The following INO80C variants were observed in gnomAD, a reference collection of about 807,000 sequenced individuals.
INO80C encodes IES6 homolog.
A neutral mutation model predicts 17.7 loss-of-function variants in INO80C; 17 were observed. The observed-to-expected ratio is 0.96, with a 90% CI of 0.66 to 1.44. INO80C has a LOEUF of 1.44. Among genes scored for constraint, INO80C ranks in the 40% most tolerant of loss-of-function variants. INO80C has a pLI of 0.00. For missense variants in INO80C, 244 were observed against 245.0 expected, an observed-to-expected ratio of 1.00 and a Z score of 0.03; for synonymous variants, 96 against 95.8, an observed-to-expected ratio of 1.00 and a Z score of -0.01.
At chr18:35,495,354 C>T (rs2045970696) in intron 1 of INO80C, among the ~76,000 whole-genome samples, 1 of 152,172 alleles carries the variant, frequency 6.6e-6, no homozygotes, top group Non-Finnish European at 1.5e-5. Flanking sequence ...GTCGAGGCTG[C>T]AGTGAGCCAT....
chr18:35,492,243 C>G (rs2045939953), intron 1 of INO80C, among the ~76,000 whole-genome samples: 1 of 152,170 alleles, frequency 6.6e-6, no homozygotes, highest in Non-Finnish European at 1.5e-5. Context: ...TTACTTAAAA[C>G]AGCAAAAATT....
chr18:35,468,769 G>A (rs372146442), intron 4 of INO80C, 27 bp from the exon 5 acceptor site: 4 of 1,604,838 alleles, frequency 2.5e-6, no homozygotes, highest in Admixed American at 3.4e-5. Flanking sequence ...ACAGGGAAGG[G>A]CAGAAAGTTT....
rs777141473 is a variant in INO80C at position 35,497,732 on chromosome 18, G to C, written c.143C>G (p.Ser48Cys). The change falls in exon 1 of 5, where the codon TCC becomes TGC. Residue 48 changes from serine to cysteine, a missense_variant. Ser to Cys is a moderately radical substitution (Grantham distance 112). Transcript: ENST00000334598. ...GCGACTGCGTACCTGCGCAAAGCTG[G>C]AAGCGGACGCTTTTTTCTTCTTACT... ...GASKKKKASA[S>C]SFAQGISMEA... is the part of the protein sequence containing the mutation. The C allele has an allele frequency of 3.1e-6, 5 of 1,612,264 alleles. No individual in the cohort carries two copies. Among genetic ancestry groups the C allele is most frequent in the Non-Finnish European group, 4.2e-6 (5 of 1,179,442 alleles).
Position 35,468,518 on chromosome 18 carries a change from T to G in INO80C, c.*93A>C. ...AGGCACAGCACTGGCATTTTCAGAT[T>G]GACAGCAGAACGAGTTTGTTTCCGT... On this transcript the variant is annotated 3_prime_UTR_variant, in exon 5 of 5. Transcript: ENST00000334598. 6.3e-7 allele frequency: 1 copy of G among 1,584,890 alleles called. No individual in the cohort carries two copies. Among genetic ancestry groups the G allele is most frequent in the Non-Finnish European group, 8.6e-7 (1 of 1,163,756 alleles).
intron 1 of INO80C, among the ~76,000 whole-genome samples, chr18:35,494,256 T>C (rs355331): frequency 0.75 from 113,667 of 152,092 alleles, 42,659 homozygotes; most frequent in East Asian, 0.98. Flanking sequence ...ACACCCCTGC[T>C]ACCTTGCAAG....
In INO80C at chr18:35,497,764, A is replaced by ATG; in HGVS notation, c.110_111insCA (p.Gly38MetfsTer23). 1 of 1,612,358 alleles carries ATG rather than the reference A, an allele frequency of 6.2e-7. No homozygotes were observed. Among genetic ancestry groups the ATG allele is most frequent in the South Asian group, 1.1e-5 (1 of 90,992 alleles). On this transcript the variant is annotated frameshift_variant, in exon 1 of 5. Coordinates refer to ENST00000334598, the MANE Select transcript of INO80C (RefSeq NM_194281.4). LOFTEE classifies it high-confidence loss of function. ...ACGCTTTTTTCTTCTTACTGGCGCC[A>ATG]TAGCCCCCGCCGCTGCTGCCATTGT...
intron 1 of INO80C, among the ~76,000 whole-genome samples, chr18:35,482,796 CG>C (rs2045828404): frequency 1.3e-5 from 2 of 152,150 alleles, no homozygotes; most frequent in Non-Finnish European, 1.5e-5. Flanking sequence ...CAGTCCTTAG[CG>C]TTTATCTGGT....
intron 4 of INO80C, among the ~76,000 whole-genome samples, chr18:35,475,632 C>T (rs1050845944): frequency 1.3e-5 from 2 of 151,464 alleles, no homozygotes; most frequent in Non-Finnish European, 1.5e-5. Flanking sequence ...AAGATGGCAT[C>T]ACTGCACTCC....
intron 1 of INO80C, chr18:35,497,283 A>G (rs2045992894): frequency 7.3e-6 from 7 of 961,304 alleles, no homozygotes; most frequent in Non-Finnish European, 8.7e-6. Context: ...TCTCAGGATG[A>G]GAGAAAGCAT....
Position 35,497,748 on chromosome 18 carries a change from T to C in INO80C, c.127A>G (p.Lys43Glu), listed in dbSNP as rs1397713079. 2.5e-6 allele frequency: 4 copies of C among 1,613,002 alleles called. No individual in the cohort carries two copies. Among genetic ancestry groups the C allele is most frequent in the Admixed American group, 1.7e-5 (1 of 59,946 alleles). Reference sequence around the variant, plus strand: ...GCAAAGCTGGAAGCGGACGCTTTTTTCTTCTTACTGGCGCCATAGCCCCCG... The same window carrying C: ...GCAAAGCTGGAAGCGGACGCTTTTTCCTTCTTACTGGCGCCATAGCCCCCG... ...SGGGYGASKK[K>E]KASASSFAQG... is the part of the protein sequence containing the mutation. Residue 43 changes from lysine to glutamate, a missense_variant, in exon 1 of 5, where the codon AAA becomes GAA. Transcript: ENST00000334598.
intron 1 of INO80C, among the ~76,000 whole-genome samples, chr18:35,496,235 A>T (rs2045979763): frequency 6.6e-6 from 1 of 152,226 alleles, no homozygotes; most frequent in South Asian, 2.1e-4. Flanking sequence ...GCACAAAGCC[A>T]AAAACTGTAA....
chr18:35,473,925 C>T (rs1417043724), intron 4 of INO80C, among the ~76,000 whole-genome samples: 1 of 151,380 alleles, frequency 6.6e-6, no homozygotes, highest in Admixed American at 6.6e-5. Context: ...AACTGAGCTA[C>T]CACAGGAAAA....
chr18:35,477,661 G>C (rs1490626427), intron 4 of INO80C, among the ~76,000 whole-genome samples: 1 of 152,234 alleles, frequency 6.6e-6, no homozygotes, highest in African/African-American at 2.4e-5. Flanking sequence ...GGTGTTCTGA[G>C]GTTCCTGAGC....
Position 35,479,310 on chromosome 18 carries a change from G to C in INO80C, c.369C>G (p.Asn123Lys). 3.1e-6 allele frequency: 5 copies of C among 1,609,140 alleles called. No homozygotes were observed. Among genetic ancestry groups the C allele is most frequent in the Non-Finnish European group, 4.3e-6 (5 of 1,175,540 alleles). ...CTCTAGACAGCTCACAGTTAGGATC[G>C]TTCAGTTGCCACGGCAATGCCCTTT... ...ASERALPWQLNDPNYFSIDAP... is the reference protein window; with the variant it reads ...ASERALPWQLKDPNYFSIDAP... The change falls in exon 3 of 5, where the codon AAC becomes AAG. Residue 123 changes from asparagine (N) to lysine (K), a missense_variant. Physicochemically the swap from Asn to Lys is moderately conservative, Grantham distance 94. Coordinates refer to ENST00000334598, the MANE Select transcript of INO80C (RefSeq NM_194281.4).
intron 1 of INO80C, among the ~76,000 whole-genome samples, chr18:35,481,100 A>C (rs1316848892): frequency 6.6e-6 from 1 of 152,230 alleles, no homozygotes; most frequent in Non-Finnish European, 1.5e-5. Flanking sequence ...AGTTGGCCAG[A>C]GAACCCAGAC....
chr18:35,468,836 G>T, intron 4 of INO80C, 94 bp from the exon 5 acceptor site: 1 of 1,131,588 alleles, frequency 8.8e-7, no homozygotes, highest in Non-Finnish European at 1.3e-6. Context: ...TTCACTGAAA[G>T]TGATATATAT....
At chr18:35,485,406 TC>T (rs1340436472) in intron 1 of INO80C, among the ~76,000 whole-genome samples, 1 of 152,160 alleles carries the variant, frequency 6.6e-6, no homozygotes. Context: ...GCAAAGAATT[TC>T]TTCAAAGAAG....
intron 1 of INO80C, among the ~76,000 whole-genome samples, chr18:35,494,688 G>A (rs2045963192): frequency 6.6e-6 from 1 of 152,230 alleles, no homozygotes; most frequent in African/African-American, 2.4e-5. Flanking sequence ...CAAGAACTCG[G>A]CTAACACTTT....
At chr18:35,475,014 T>G (rs2045718085) in intron 4 of INO80C, among the ~76,000 whole-genome samples, 1 of 152,124 alleles carries the variant, frequency 6.6e-6, no homozygotes, top group South Asian at 2.1e-4. Flanking sequence ...AAGAAATATT[T>G]GAAGAAATAA....
Sources: allele counts gnomAD v4.1 joint callset (sites outside exome capture counted in the v4.1 genomes callset), GRCh38; gene constraint gnomAD v4.1.1; transcripts MANE v1.5; gene names NCBI Gene and HGNC (gene_info 2026-07-23, HGNC 2026-07-21).